PLEKHA6: variants seen among roughly 807,000 people sequenced by gnomAD.
PLEKHA6 encodes pleckstrin homology domain-containing family A member 6.
A neutral mutation model predicts 116.7 loss-of-function variants in PLEKHA6; 60 were observed. The observed-to-expected ratio is 0.51, with a 90% CI of 0.42 to 0.64. The LOEUF (loss-of-function observed/expected upper bound fraction) is 0.64, where lower values mean the gene tolerates loss of function less well. Ranked by LOEUF, PLEKHA6 falls within the 30% of genes least tolerant of loss-of-function variation. The probability of loss-of-function intolerance (pLI) is 0.00; values close to 1 mark genes in which losing one functional copy is unlikely to be tolerated. For missense variants in PLEKHA6, 1,338 were observed against 1,422.7 expected, an observed-to-expected ratio of 0.94 and a Z score of 0.96; for synonymous variants, 489 against 556.1, an observed-to-expected ratio of 0.88 and a Z score of 1.70.
At chr1:204,270,645 C>T (rs1369958727) in intron 3 of PLEKHA6, among the ~76,000 whole-genome samples, 1 of 152,352 alleles carries the variant, frequency 6.6e-6, no homozygotes, top group East Asian at 1.9e-4. Flanking sequence ...AATTCCACTA[C>T]CGTGGTCTTA....
rs34335278 is a variant in PLEKHA6, at chr1:204,248,155, C to CTTTTT, written c.1824+661_1824+665dup. On this transcript the variant is annotated intron_variant, in intron 12 of 22. Transcript: ENST00000272203. ...GGGAAGTAGTGACCAGGGCAGCAGC[C>CTTTTT]TTTTTTTTTTTTTTTTTTTTGAGAT... Among the ~76,000 whole-genome samples the CTTTTT allele has an allele frequency of 5.2e-3, 496 of 95,084 alleles. 20 individuals carry two copies. The highest frequency in any genetic ancestry group is 0.01 in the African/African-American group (230 of 22,456). The allele number at this position is 95,084 out of a possible 152,430, so 62.4% of individuals were successfully genotyped here.
intron 1 of PLEKHA6, among the ~76,000 whole-genome samples, chr1:204,302,029 A>T (rs1372648539): frequency 6.6e-6 from 1 of 152,174 alleles, no homozygotes; most frequent in Non-Finnish European, 1.5e-5. Context: ...TGGGCAGTAG[A>T]CCTGCAGTTC....
chr1:204,310,953 A>G (rs972685524), intron 1 of PLEKHA6, among the ~76,000 whole-genome samples: 1 of 152,182 alleles, frequency 6.6e-6, no homozygotes, highest in African/African-American at 2.4e-5. Context: ...CCCTAATTCC[A>G]ATCTCTAGTG....
At chr1:204,348,239 T>C (rs1403082856) in intron 1 of PLEKHA6, among the ~76,000 whole-genome samples, 1 of 152,198 alleles carries the variant, frequency 6.6e-6, no homozygotes, top group Admixed American at 6.5e-5. Context: ...AGGACATGGC[T>C]AGAGCTGAAG....
intron 1 of PLEKHA6, among the ~76,000 whole-genome samples, chr1:204,337,445 C>T (rs759655766): frequency 3.4e-4 from 52 of 152,336 alleles, no homozygotes; most frequent in Non-Finnish European, 3.7e-4. Flanking sequence ...ATTGCAGAAT[C>T]ATTCTGAATG....
At chr1:204,265,272 C>T (rs910119691) in intron 5 of PLEKHA6, among the ~76,000 whole-genome samples, 1 of 152,128 alleles carries the variant, frequency 6.6e-6, no homozygotes, top group Non-Finnish European at 1.5e-5. Flanking sequence ...ACTGGGACTA[C>T]AGAGGTGAGT....
chr1:204,331,515 A>G (rs1477809851), intron 1 of PLEKHA6, among the ~76,000 whole-genome samples: 2 of 152,094 alleles, frequency 1.3e-5, no homozygotes, highest in Non-Finnish European at 2.9e-5. Context: ...CTTGGGAGAG[A>G]AGAGAAGAAC....
chr1:204,283,696 CTT>C (rs1668876336), intron 1 of PLEKHA6, among the ~76,000 whole-genome samples: 6 of 152,308 alleles, frequency 3.9e-5, no homozygotes, highest in Admixed American at 3.9e-4. Flanking sequence ...GAGATGCCAG[CTT>C]TTCAAGGTCT....
chr1:204,285,989 G>A (rs1379181290), intron 1 of PLEKHA6, among the ~76,000 whole-genome samples: 2 of 152,092 alleles, frequency 1.3e-5, no homozygotes, highest in East Asian at 3.9e-4. Context: ...GGAGAAGCTG[G>A]CATGGAGGAG....
At chr1:204,305,884 G>A (rs1003911231) in intron 1 of PLEKHA6, among the ~76,000 whole-genome samples, 4 of 152,142 alleles carry the variant, frequency 2.6e-5, no homozygotes, top group Non-Finnish European at 4.4e-5. Flanking sequence ...GGCTTAAAAT[G>A]TATTTTTGTT....
intron 1 of PLEKHA6, among the ~76,000 whole-genome samples, chr1:204,346,516 T>G (rs1023855076): frequency 1.3e-5 from 2 of 151,868 alleles, no homozygotes; most frequent in Admixed American, 6.6e-5. Flanking sequence ...CCCCCACACC[T>G]CCATTTCTCT....
intron 1 of PLEKHA6, among the ~76,000 whole-genome samples, chr1:204,342,717 C>T (rs937799677): frequency 1.3e-5 from 2 of 152,196 alleles, no homozygotes; most frequent in African/African-American, 4.8e-5. Flanking sequence ...CTGTGGGCAT[C>T]TGTGTCTTTT....
chr1:204,368,453 GTC>G (rs1226954990), intron 2 of PLEKHA6: 1 of 151,670 alleles, frequency 6.6e-6, no homozygotes, highest in African/African-American at 2.4e-5. Flanking sequence ...CTTTAATAGT[GTC>G]TCTGAAAAAA....
intron 2 of PLEKHA6, 140 bp downstream of exon 2, chr1:204,274,589 A>G: frequency 1.0e-6 from 1 of 985,568 alleles, no homozygotes; most frequent in Non-Finnish European, 1.2e-6. Context: ...TCCAGTCCTC[A>G]GAACCGAGGT....
Position 204,259,506 on chromosome 1 carries a change from G to A in PLEKHA6, c.759C>T (p.Tyr253=), listed in dbSNP as rs754393808. The A allele has an allele frequency of 6.2e-7, 1 of 1,614,134 alleles. No individual in the cohort carries two copies. The highest frequency in any genetic ancestry group is 8.5e-7 in the Non-Finnish European group (1 of 1,179,984). The change falls in exon 8 of 23, where the codon TAC becomes TAT. Residue 253 remains tyrosine, a synonymous_variant. Transcript: ENST00000272203. This position sits in a 1 kb window ranked among gnomAD's most constrained non-coding sequence, Gnocchi z 4.6. ...CCCCTGGCACTCTTGGGCCCTCGGG[G>A]TAAGGGCTGCCCGGCTCTGAGGCTG... The part of the protein sequence containing the change: ...PEPASEPGSP[Y]PEGPRVPGGG...
At chr1:204,370,736 G>C (rs539153962) in intron 2 of PLEKHA6, among the ~76,000 whole-genome samples, 1 of 152,086 alleles carries the variant, frequency 6.6e-6, no homozygotes, top group Non-Finnish European at 1.5e-5. Flanking sequence ...GCTACATGGG[G>C]CCATTTACAT....
intron 1 of PLEKHA6, among the ~76,000 whole-genome samples, chr1:204,302,398 A>G (rs567601117): frequency 1.3e-5 from 2 of 152,366 alleles, no homozygotes; most frequent in East Asian, 3.9e-4. Flanking sequence ...AGGAAAAGCC[A>G]TGCTGCATGA....
At chr1:204,291,909 A>G (rs1572093601) in intron 1 of PLEKHA6, among the ~76,000 whole-genome samples, 2 of 152,310 alleles carry the variant, frequency 1.3e-5, no homozygotes, top group South Asian at 2.1e-4. Flanking sequence ...TTTATCATAT[A>G]CCTCAATAAA....
At chr1:204,329,050 G>A (rs778990804) in intron 1 of PLEKHA6, among the ~76,000 whole-genome samples, 8 of 152,206 alleles carry the variant, frequency 5.3e-5, no homozygotes, top group Non-Finnish European at 1.2e-4. Flanking sequence ...TTTGTAGACT[G>A]TAAGCTATTA....
Sources: allele counts gnomAD v4.1 joint callset (sites outside exome capture counted in the v4.1 genomes callset), GRCh38; gene constraint gnomAD v4.1.1; non-coding constraint Gnocchi (gnomAD v3.1); transcripts MANE v1.5; gene names NCBI Gene and HGNC (gene_info 2026-07-23, HGNC 2026-07-21).